The following TACR1 variants were observed in gnomAD, a reference collection of about 807,000 sequenced individuals.
TACR1 encodes the protein substance-P receptor.
Under a neutral mutation model 35.8 loss-of-function variants are expected in TACR1, and 25 were observed. That is an observed-to-expected ratio of 0.70 (90% confidence interval 0.51 to 0.98). The LOEUF (loss-of-function observed/expected upper bound fraction) is 0.98, where lower values mean the gene tolerates loss of function less well. TACR1 is among the 50% of genes least tolerant of loss of function. TACR1 has a pLI of 0.00. For synonymous variants in TACR1, 195 were observed against 206.7 expected, an observed-to-expected ratio of 0.94 and a Z score of 0.48; for missense variants, 478 against 522.9, an observed-to-expected ratio of 0.91 and a Z score of 0.84.
At chr2:75,118,597 T>C (rs555041783) in intron 2 of TACR1, among the ~76,000 whole-genome samples, 42 of 152,234 alleles carry the variant, frequency 2.8e-4, no homozygotes, top group Non-Finnish European at 5.0e-4. Flanking sequence ...CAAAATATTA[T>C]TCTTTTTTGG....
In TACR1 at chr2:75,049,336, G is replaced by A; in HGVS notation, c.*96C>T. On this transcript the variant is annotated 3_prime_UTR_variant, in exon 5 of 5. Transcript: ENST00000305249. ...ACCCTTTTTGCAAGTCCCAGTGTGA[G>A]GGTGTTTCTGATGGTTCCAGATGAA... The A allele has an allele frequency of 7.3e-7, 1 of 1,365,148 alleles. No individual in the cohort carries two copies. Among genetic ancestry groups the A allele is most frequent in the South Asian group, 1.4e-5 (1 of 72,640 alleles). The allele number at this position is 1,365,148 out of a possible 1,614,324, so 84.6% of individuals were successfully genotyped here.
chr2:75,095,882 C>T (rs1673412458), intron 2 of TACR1, among the ~76,000 whole-genome samples: 1 of 152,194 alleles, frequency 6.6e-6, no homozygotes, highest in Admixed American at 6.5e-5. Flanking sequence ...GAGCCTCCAT[C>T]ACCTAAGTTC....
intron 1 of TACR1, among the ~76,000 whole-genome samples, chr2:75,195,570 A>G (rs574844714): frequency 1.3e-5 from 2 of 152,346 alleles, no homozygotes; most frequent in Admixed American, 6.5e-5. Context: ...TTGACTCAAC[A>G]ATTCCTTTAA....
At chr2:75,170,787 C>T (rs902928812) in intron 1 of TACR1, among the ~76,000 whole-genome samples, 1 of 152,120 alleles carries the variant, frequency 6.6e-6, no homozygotes, top group Non-Finnish European at 1.5e-5. Context: ...ATTTGTGGAA[C>T]TTTGAACTTG....
At chr2:75,063,499 AT>A (rs1672707388) in intron 2 of TACR1, among the ~76,000 whole-genome samples, 1 of 152,166 alleles carries the variant, frequency 6.6e-6, no homozygotes, top group South Asian at 2.1e-4. Flanking sequence ...AACTCCAAAT[AT>A]TTTTTTCTCC....
At chr2:75,093,121 G>A (rs1004740848) in intron 2 of TACR1, among the ~76,000 whole-genome samples, 6 of 152,142 alleles carry the variant, frequency 3.9e-5, no homozygotes, top group Admixed American at 3.9e-4. Flanking sequence ...GAAGGGGAGA[G>A]GAGAGAAGGT....
chr2:75,085,532 A>C (rs1211042859), intron 2 of TACR1, among the ~76,000 whole-genome samples: 1 of 152,202 alleles, frequency 6.6e-6, no homozygotes, highest in Non-Finnish European at 1.5e-5. Flanking sequence ...TATACTTCAG[A>C]ATATTAAGAT....
At chr2:75,076,331 G>T (rs1672979476) in intron 2 of TACR1, among the ~76,000 whole-genome samples, 1 of 152,154 alleles carries the variant, frequency 6.6e-6, no homozygotes, top group Non-Finnish European at 1.5e-5. Flanking sequence ...TCCTGAAAAC[G>T]CCACTCTCAA....
At chr2:75,115,257 G>A (rs1008372043) in intron 2 of TACR1, among the ~76,000 whole-genome samples, 1 of 151,916 alleles carries the variant, frequency 6.6e-6, no homozygotes, top group Non-Finnish European at 1.5e-5. Flanking sequence ...CTCCTAAAAG[G>A]GAAATGAGCA....
At chr2:75,118,558 C>G (rs1673907349) in intron 2 of TACR1, among the ~76,000 whole-genome samples, 1 of 152,116 alleles carries the variant, frequency 6.6e-6, no homozygotes, top group South Asian at 2.1e-4. Flanking sequence ...AAGCATAAAA[C>G]ACCAAAATGT....
At chr2:75,196,666 A>G (rs1388266055) in intron 1 of TACR1, among the ~76,000 whole-genome samples, 1 of 152,008 alleles carries the variant, frequency 6.6e-6, no homozygotes, top group Non-Finnish European at 1.5e-5. Context: ...CCCCACCCCT[A>G]ACCTTCTAAG....
intron 2 of TACR1, among the ~76,000 whole-genome samples, chr2:75,104,112 C>A (rs1673594854): frequency 1.3e-5 from 2 of 151,986 alleles, no homozygotes; most frequent in Admixed American, 6.6e-5. Flanking sequence ...TCAAAGGACA[C>A]AGAGTGCTTA....
chr2:75,063,719 T>A (rs1304247603), intron 2 of TACR1, among the ~76,000 whole-genome samples: 1 of 152,212 alleles, frequency 6.6e-6, no homozygotes, highest in East Asian at 1.9e-4. Context: ...CCTTTATCTA[T>A]GGCAGTACAA....
intron 1 of TACR1, among the ~76,000 whole-genome samples, chr2:75,121,045 G>A (rs1360621476): frequency 6.6e-6 from 1 of 152,190 alleles, no homozygotes; most frequent in Non-Finnish European, 1.5e-5. Context: ...TGAAATGCTT[G>A]TGCTGGGGAC....
intron 1 of TACR1, among the ~76,000 whole-genome samples, chr2:75,121,660 C>G (rs1673973326): frequency 6.6e-6 from 1 of 152,108 alleles, no homozygotes; most frequent in Admixed American, 6.5e-5. Context: ...TCAATTCTGC[C>G]TCTTTCATTT....
intron 1 of TACR1, among the ~76,000 whole-genome samples, chr2:75,171,758 C>T (rs1353230868): frequency 6.6e-6 from 1 of 152,128 alleles, no homozygotes; most frequent in East Asian, 1.9e-4. Context: ...GGCCTGTAGC[C>T]CTTTTGTTTT....
chr2:75,086,277 T>TA (rs1673187003), intron 2 of TACR1, among the ~76,000 whole-genome samples: 2 of 152,268 alleles, frequency 1.3e-5, no homozygotes, highest in South Asian at 4.1e-4. Context: ...GACATTTATA[T>TA]AAAATCTCTT....
At chr2:75,103,007 A>G (rs745623225) in intron 2 of TACR1, among the ~76,000 whole-genome samples, 1 of 152,178 alleles carries the variant, frequency 6.6e-6, no homozygotes, top group Non-Finnish European at 1.5e-5. Flanking sequence ...TTCCCAACTT[A>G]TTTGGTCTTG....
chr2:75,185,417 AATG>A (rs1304377173), intron 1 of TACR1, among the ~76,000 whole-genome samples: 1 of 152,078 alleles, frequency 6.6e-6, no homozygotes, highest in African/African-American at 2.4e-5. Context: ...CTGAAAAAGA[AATG>A]AACATTTTAA....
Sources: gnomAD v4.1 joint callset for allele counts (sites outside exome capture counted in the v4.1 genomes callset) on GRCh38, gnomAD v4.1.1 for gene constraint, MANE v1.5 for transcripts, NCBI Gene and HGNC (gene_info 2026-07-23, HGNC 2026-07-21) for gene names.